Variants in WBP1L observed in about 807,000 individuals in gnomAD.
WBP1L encodes WW domain binding protein 1 like.
Under a neutral mutation model 33.7 loss-of-function variants are expected in WBP1L, and 17 were observed. That is an observed-to-expected ratio of 0.50 (90% CI 0.34 to 0.76). WBP1L has a LOEUF of 0.76. WBP1L is among the 30% of genes least tolerant of loss of function. The pLI is 0.01. For missense variants in WBP1L, 389 were observed against 469.4 expected, an observed-to-expected ratio of 0.83 and a Z score of 1.58; for synonymous variants, 173 against 190.8, an observed-to-expected ratio of 0.91 and a Z score of 0.77.
At chr10:102,809,078 C>CTGTTTTGTTT (rs10624878) in intron 2 of WBP1L, among the ~76,000 whole-genome samples, 46 of 150,842 alleles carry the variant, frequency 3.0e-4, no homozygotes, top group East Asian at 5.9e-4. Flanking sequence ...TGTCATCATT[C>CTGTTTTGTTT]TGTTTTGTTT....
At chr10:102,802,204 T>C (rs561485420) in intron 2 of WBP1L, among the ~76,000 whole-genome samples, 1 of 146,482 alleles carries the variant, frequency 6.8e-6, no homozygotes, top group African/African-American at 2.5e-5. Flanking sequence ...TGTAGTGGTA[T>C]GATCTTTGGT....
Position 102,771,257 on chromosome 10 carries a change from T to C in WBP1L, c.91-26736T>C, listed in dbSNP as rs1468377830. On this transcript the variant is annotated intron_variant, in intron 1 of 3. Transcript: ENST00000448841. ...GCTGTGAGCATGTATGTTTTTGCAGTATGTCTTAAATTAATCCGGTACGGC... is the reference window on the plus strand; with the variant it reads ...GCTGTGAGCATGTATGTTTTTGCAGCATGTCTTAAATTAATCCGGTACGGC... Among the ~76,000 whole-genome samples, 6 of 152,192 alleles carry C rather than the reference T, an allele frequency of 3.9e-5. 1 individual carries two copies. The highest frequency in any genetic ancestry group is 3.9e-4 in the Admixed American group (6 of 15,270).
chr10:102,768,580 G>A (rs554134632), intron 1 of WBP1L, among the ~76,000 whole-genome samples: 2 of 53,432 alleles, frequency 3.7e-5, no homozygotes, highest in African/African-American at 9.4e-5. Context: ...TAGTAGAGAC[G>A]GGGTTTCACC....
chr10:102,784,326 A>G (rs563710522), intron 1 of WBP1L, among the ~76,000 whole-genome samples: 4 of 151,942 alleles, frequency 2.6e-5, no homozygotes, highest in African/African-American at 9.7e-5. Context: ...CATTAGTAAC[A>G]TACTAACACC....
intron 1 of WBP1L, among the ~76,000 whole-genome samples, chr10:102,778,039 CATATCCCAG>C: frequency 6.6e-6 from 1 of 152,326 alleles, no homozygotes; most frequent in South Asian, 2.1e-4. Flanking sequence ...GACCTGCGTT[CATATCCCAG>C]CTTCCCTGAG....
At chr10:102,746,058 T>G in intron 1 of WBP1L, 2 of 801,718 alleles carry the variant, frequency 2.5e-6, no homozygotes, top group Non-Finnish European at 3.0e-6. Context: ...GAGGTTTGGT[T>G]TAGGAATGTC....
chr10:102,770,157 C>T (rs1843168494), intron 1 of WBP1L, among the ~76,000 whole-genome samples: 1 of 152,188 alleles, frequency 6.6e-6, no homozygotes, highest in African/African-American at 2.4e-5. Flanking sequence ...TTTGTTAATG[C>T]CTAGCCTCAC....
At chr10:102,777,840 C>T (rs1843287533) in intron 1 of WBP1L, among the ~76,000 whole-genome samples, 1 of 152,148 alleles carries the variant, frequency 6.6e-6, no homozygotes, top group South Asian at 2.1e-4. Flanking sequence ...GCTAGGATTA[C>T]AGGCGTGAGC....
chr10:102,805,369 C>A (rs1292370748), intron 2 of WBP1L, among the ~76,000 whole-genome samples: 1 of 151,650 alleles, frequency 6.6e-6, no homozygotes, highest in African/African-American at 2.4e-5. Flanking sequence ...AGTTGGTTTA[C>A]CTTTAGGTAG....
chr10:102,806,593 C>T (rs916406784), intron 2 of WBP1L, among the ~76,000 whole-genome samples: 2 of 152,218 alleles, frequency 1.3e-5, no homozygotes, highest in Non-Finnish European at 2.9e-5. Context: ...AAAAAGGAGA[C>T]TGCTAAGTTC....
chr10:102,776,023 A>G, intron 1 of WBP1L: 2 of 902,754 alleles, frequency 2.2e-6, no homozygotes, highest in Non-Finnish European at 2.6e-6. Flanking sequence ...AGGTGGGTCC[A>G]GGGCTGGGCA....
At chr10:102,757,431 C>G (rs1590167617) in intron 1 of WBP1L, among the ~76,000 whole-genome samples, 2 of 152,352 alleles carry the variant, frequency 1.3e-5, no homozygotes, top group South Asian at 4.1e-4. Flanking sequence ...CGTCACCCAT[C>G]TTGACCACAG....
At chr10:102,779,023 A>C (rs1489419688) in intron 1 of WBP1L, among the ~76,000 whole-genome samples, 1 of 152,042 alleles carries the variant, frequency 6.6e-6, no homozygotes, top group Non-Finnish European at 1.5e-5. Context: ...GCTGTTTTTT[A>C]ACTTGAGTCT....
At chr10:102,785,817 G>A (rs1417649693) in intron 1 of WBP1L, among the ~76,000 whole-genome samples, 4 of 152,206 alleles carry the variant, frequency 2.6e-5, no homozygotes, top group African/African-American at 9.7e-5. Context: ...TAGCAGAAGA[G>A]GCCAGTGATG....
At chr10:102,803,272 C>T (rs1044413207) in intron 2 of WBP1L, among the ~76,000 whole-genome samples, 3 of 152,148 alleles carry the variant, frequency 2.0e-5, no homozygotes, top group African/African-American at 4.8e-5. Context: ...AGTCACCCAC[C>T]GTCCTGCAGG....
intron 1 of WBP1L, among the ~76,000 whole-genome samples, chr10:102,781,402 G>A (rs1196638106): frequency 3.3e-5 from 5 of 152,168 alleles, no homozygotes; most frequent in Non-Finnish European, 5.9e-5. Flanking sequence ...CCTTTTTGCT[G>A]TAAGGAAACT....
At chr10:102,781,215 G>C (rs572442040) in intron 1 of WBP1L, among the ~76,000 whole-genome samples, 9 of 152,340 alleles carry the variant, frequency 5.9e-5, no homozygotes, top group Admixed American at 3.9e-4. Flanking sequence ...GAGAGCAGTG[G>C]AAAGGCTGTG....
At chr10:102,771,158 T>C (rs756687839) in intron 1 of WBP1L, among the ~76,000 whole-genome samples, 2 of 152,188 alleles carry the variant, frequency 1.3e-5, no homozygotes, top group Non-Finnish European at 2.9e-5. Context: ...ATTATAAATA[T>C]ATAGACTGCC....
intron 1 of WBP1L, among the ~76,000 whole-genome samples, chr10:102,778,250 T>G (rs1843292867): frequency 6.6e-6 from 1 of 152,166 alleles, no homozygotes; most frequent in Non-Finnish European, 1.5e-5. Context: ...ACTGATACCT[T>G]GACAGGAGCC....
Sources: allele counts gnomAD v4.1 joint callset (sites outside exome capture counted in the v4.1 genomes callset), GRCh38; gene constraint gnomAD v4.1.1; transcripts MANE v1.5; gene names NCBI Gene and HGNC (gene_info 2026-07-23, HGNC 2026-07-21).